Variants in CTNNBL1 observed in about 807,000 individuals in gnomAD.
CTNNBL1 encodes the protein beta-catenin-like protein 1.
In CTNNBL1, 31 loss-of-function variants were observed where a neutral mutation model predicts 72.7. That is an observed-to-expected ratio of 0.43 (90% CI 0.32 to 0.58). The LOEUF is 0.58. CTNNBL1 is among the 20% of genes least tolerant of loss of function. CTNNBL1 has a pLI of 0.08. For synonymous variants in CTNNBL1, 240 were observed against 267.3 expected (o/e 0.90, Z 1.00); for missense variants, 534 against 725.1 (o/e 0.74, Z 3.03).
intron 1 of CTNNBL1, among the ~76,000 whole-genome samples, chr20:37,730,802 C>A (rs997691128): frequency 6.6e-6 from 1 of 152,098 alleles, no homozygotes; most frequent in Non-Finnish European, 1.5e-5. Context: ...CATAGTGAAA[C>A]CTCATCTCTA....
chr20:37,750,648 C>T (rs1254980326), intron 4 of CTNNBL1: 1 of 152,170 alleles, frequency 6.6e-6, no homozygotes, highest in African/African-American at 2.4e-5. Flanking sequence ...CAAACCACAA[C>T]AACGATCACA....
At chr20:37,727,651 G>A (rs1033917299) in intron 1 of CTNNBL1, among the ~76,000 whole-genome samples, 62 of 152,228 alleles carry the variant, frequency 4.1e-4, no homozygotes, top group Non-Finnish European at 7.1e-4. Context: ...CATCTTGAGG[G>A]ATTCCAAATA....
chr20:37,861,548 A>C (rs2072491909), intron 15 of CTNNBL1, among the ~76,000 whole-genome samples: 1 of 152,220 alleles, frequency 6.6e-6, no homozygotes, highest in African/African-American at 2.4e-5. Flanking sequence ...TTCTAAGATG[A>C]AGGACTAGGC....
chr20:37,776,599 G>A (rs546656677), intron 7 of CTNNBL1, among the ~76,000 whole-genome samples: 3 of 152,058 alleles, frequency 2.0e-5, no homozygotes, highest in African/African-American at 7.2e-5. Flanking sequence ...TATCCAGGGG[G>A]CAGTGATAAT....
intron 15 of CTNNBL1, among the ~76,000 whole-genome samples, chr20:37,864,624 G>A (rs1310065861): frequency 1.3e-5 from 2 of 152,182 alleles, no homozygotes; most frequent in Admixed American, 1.3e-4. Flanking sequence ...CAGCAGCTCT[G>A]GCCTGAGGAC....
In CTNNBL1 at chr20:37,760,188, T is replaced by C. The variant is rs573102098; in HGVS notation, c.564+2532T>C. Among the ~76,000 whole-genome samples the C allele has an allele frequency of 2.6e-5, 4 of 152,362 alleles. No individual in the cohort carries two copies. In the East Asian group the frequency reaches 7.7e-4, roughly 29 times the overall value. On this transcript the variant is annotated intron_variant, in intron 5 of 15. Transcript: ENST00000361383. Reference sequence around the variant, plus strand: ...AAATGGACTCTTTTCTGAAGAGTGGTAAGCGAGAGGGTATATTGCTTTGAT... The same window carrying C: ...AAATGGACTCTTTTCTGAAGAGTGGCAAGCGAGAGGGTATATTGCTTTGAT...
At chr20:37,843,056 T>A (rs1429304671) in intron 13 of CTNNBL1, among the ~76,000 whole-genome samples, 1 of 152,216 alleles carries the variant, frequency 6.6e-6, no homozygotes, top group East Asian at 1.9e-4. Context: ...GTTTTTCACC[T>A]CCTTCCGTTT....
At chr20:37,857,121 TC>T (rs774045569) in intron 13 of CTNNBL1, among the ~76,000 whole-genome samples, 3 of 152,348 alleles carry the variant, frequency 2.0e-5, no homozygotes, top group South Asian at 4.1e-4. Context: ...TTTTAAAATT[TC>T]GTAGTAACTG....
At chr20:37,817,741 G>T (rs543905126) in intron 11 of CTNNBL1, among the ~76,000 whole-genome samples, 2 of 152,176 alleles carry the variant, frequency 1.3e-5, no homozygotes, top group Non-Finnish European at 2.9e-5. Flanking sequence ...CCCAGGTAAC[G>T]CTGAGGCTGC....
At chr20:37,858,443 G>A (rs1023327894) in intron 13 of CTNNBL1, among the ~76,000 whole-genome samples, 3 of 152,230 alleles carry the variant, frequency 2.0e-5, no homozygotes, top group African/African-American at 7.2e-5. Context: ...GCAGTTGTTA[G>A]CCTTAAAATC....
intron 11 of CTNNBL1, among the ~76,000 whole-genome samples, chr20:37,828,598 A>G (rs1029296962): frequency 2.0e-5 from 3 of 152,192 alleles, no homozygotes; most frequent in African/African-American, 7.2e-5. Flanking sequence ...ATTAAATGAG[A>G]TAACATGTGT....
At chr20:37,805,457 T>C (rs1341231279) in intron 11 of CTNNBL1, among the ~76,000 whole-genome samples, 1 of 149,242 alleles carries the variant, frequency 6.7e-6, no homozygotes, top group Admixed American at 6.8e-5. Flanking sequence ...AGTGCAGTGA[T>C]GCGATCTCGG....
chr20:37,730,767 A>G (rs772658598), intron 1 of CTNNBL1, among the ~76,000 whole-genome samples: 1 of 152,208 alleles, frequency 6.6e-6, no homozygotes, highest in Non-Finnish European at 1.5e-5. Context: ...GCTGGAGCCC[A>G]GAAGTTCAGG....
At chr20:37,839,965 T>C in intron 11 of CTNNBL1, 137 bp from the exon 12 acceptor site, 2 of 606,516 alleles carry the variant, frequency 3.3e-6, no homozygotes, top group Middle Eastern at 2.7e-4. Context: ...ACAATTTAGG[T>C]TCTTGTCTTA....
At chr20:37,761,837 A>C (rs1413060795) in intron 5 of CTNNBL1, among the ~76,000 whole-genome samples, 1 of 152,250 alleles carries the variant, frequency 6.6e-6, no homozygotes, top group Non-Finnish European at 1.5e-5. Context: ...CAGCCATTCA[A>C]AATGATCAAG....
chr20:37,759,922 C>T (rs914271989), intron 5 of CTNNBL1, among the ~76,000 whole-genome samples: 7 of 152,182 alleles, frequency 4.6e-5, no homozygotes, highest in African/African-American at 1.7e-4. Context: ...TAGAATTGCA[C>T]GAGCAGAGGC....
In CTNNBL1 at chr20:37,733,016, A is replaced by G; in HGVS notation, c.168A>G (p.Lys56=). The G allele has an allele frequency of 1.2e-6, 2 of 1,613,970 alleles. No individual in the cohort carries two copies. Among genetic ancestry groups the G allele is most frequent in the South Asian group, 1.1e-5 (1 of 91,072 alleles). ...TGGTGGAGGAAGCGGATGATGACAA[A>G]AAAAGGCTGCTGCAGATTATTGACA... The part of the protein sequence containing the change: ...MTVVEEADDD[K]KRLLQIIDRD... The change falls in exon 2 of 16, where the codon AAA becomes AAG. Residue 56 remains lysine (K), a synonymous_variant. Coordinates refer to ENST00000361383, the MANE Select transcript of CTNNBL1 (RefSeq NM_030877.5).
chr20:37,830,439 C>T (rs1289150423), intron 11 of CTNNBL1, among the ~76,000 whole-genome samples: 1 of 152,140 alleles, frequency 6.6e-6, no homozygotes, highest in Non-Finnish European at 1.5e-5. Context: ...CGGAGCCTTC[C>T]CCTGCCCTGC....
intron 1 of CTNNBL1, among the ~76,000 whole-genome samples, chr20:37,716,748 TATATA>T (rs1325765704): frequency 1.3e-5 from 2 of 152,196 alleles, no homozygotes; most frequent in Admixed American, 1.3e-4. Context: ...GAAAGTATGT[TATATA>T]ATCTTGCTAC....
Sources: allele counts gnomAD v4.1 joint callset (sites outside exome capture counted in the v4.1 genomes callset), GRCh38; gene constraint gnomAD v4.1.1; transcripts MANE v1.5; gene names NCBI Gene and HGNC (gene_info 2026-07-23, HGNC 2026-07-21).